Variants in NRXN1 observed in about 807,000 individuals in gnomAD.
The protein encoded by NRXN1 is neurexin-1.
NRXN1 carries 39 observed loss-of-function variants against 150.9 expected under a neutral mutation model. That is an observed-to-expected ratio of 0.26 (90% CI 0.20 to 0.34). NRXN1 has a LOEUF of 0.34. NRXN1 is among the 10% of genes least tolerant of loss of function. NRXN1 has a pLI of 1.00. For synonymous variants in NRXN1, 924 were observed against 757.0 expected, an observed-to-expected ratio of 1.22 and a Z score of -3.62; for missense variants, 1,815 against 1,949.9, an observed-to-expected ratio of 0.93 and a Z score of 1.30.
At chr2:50,480,089 C>A (rs1428688346) in intron 15 of NRXN1, among the ~76,000 whole-genome samples, 1 of 152,140 alleles carries the variant, frequency 6.6e-6, no homozygotes, top group Non-Finnish European at 1.5e-5. Flanking sequence ...CTTTCTTAAA[C>A]ACAAAGGTGA....
chr2:49,997,979 T>G (rs1258739760), intron 21 of NRXN1, among the ~76,000 whole-genome samples: 6 of 152,160 alleles, frequency 3.9e-5, no homozygotes, highest in African/African-American at 1.4e-4. Context: ...GGGATTTTTA[T>G]AAAATGCTGC....
chr2:50,494,176 G>A (rs963885287), intron 15 of NRXN1, among the ~76,000 whole-genome samples: 6 of 152,136 alleles, frequency 3.9e-5, no homozygotes, highest in African/African-American at 1.2e-4. Flanking sequence ...GGCTTCTCTG[G>A]ACCCTCAATG....
At chr2:50,243,661 T>C (rs1055313476) in intron 17 of NRXN1, among the ~76,000 whole-genome samples, 1 of 151,818 alleles carries the variant, frequency 6.6e-6, no homozygotes, top group African/African-American at 2.4e-5. Context: ...AATCAGACAC[T>C]GTCATACCTC....
intron 17 of NRXN1, among the ~76,000 whole-genome samples, chr2:50,269,010 G>A (rs1280831302): frequency 6.6e-6 from 1 of 152,170 alleles, no homozygotes; most frequent in Non-Finnish European, 1.5e-5. Context: ...TATCAGATAA[G>A]AGTCGCTTAA....
chr2:50,953,006 T>A (rs1473276040), intron 2 of NRXN1, among the ~76,000 whole-genome samples: 2 of 152,046 alleles, frequency 1.3e-5, no homozygotes, highest in Non-Finnish European at 2.9e-5. Context: ...TCAATATATA[T>A]GGAGGAGAAA....
intron 21 of NRXN1, among the ~76,000 whole-genome samples, chr2:49,988,550 T>C (rs1302185645): frequency 6.6e-6 from 1 of 151,584 alleles, no homozygotes; most frequent in African/African-American, 2.4e-5. Context: ...ACTTAGTGAC[T>C]TAGTAACAGA....
intron 18 of NRXN1, among the ~76,000 whole-genome samples, chr2:50,228,027 T>G (rs1050448832): frequency 6.6e-6 from 1 of 152,032 alleles, no homozygotes; most frequent in African/African-American, 2.4e-5. Flanking sequence ...AAATTTAGAT[T>G]CTGAAATGAG....
intron 5 of NRXN1, among the ~76,000 whole-genome samples, chr2:50,828,423 C>T (rs1320249713): frequency 6.6e-6 from 1 of 151,742 alleles, no homozygotes; most frequent in Non-Finnish European, 1.5e-5. Context: ...GGGCTCCTCA[C>T]TTCTCAGACG....
chr2:50,727,943 T>C (rs1229717338), intron 5 of NRXN1, among the ~76,000 whole-genome samples: 1 of 152,158 alleles, frequency 6.6e-6, no homozygotes, highest in Non-Finnish European at 1.5e-5. Flanking sequence ...CTTTACAAAT[T>C]AGAGAAAGGT....
At chr2:50,663,197 C>T (rs548739445) in intron 5 of NRXN1, among the ~76,000 whole-genome samples, 169 of 152,132 alleles carry the variant, frequency 1.1e-3, no homozygotes, top group African/African-American at 3.9e-3. Context: ...AAACACCATC[C>T]ACATACTATA....
chr2:50,128,753 G>C (rs1704991854), intron 18 of NRXN1, among the ~76,000 whole-genome samples: 1 of 151,970 alleles, frequency 6.6e-6, no homozygotes, highest in Admixed American at 6.6e-5. Context: ...GGAGCTGAGG[G>C]GGGTGGATCG....
At chr2:50,490,072 T>C (rs1015090155) in intron 15 of NRXN1, among the ~76,000 whole-genome samples, 2 of 152,220 alleles carry the variant, frequency 1.3e-5, no homozygotes, top group African/African-American at 4.8e-5. Flanking sequence ...TTCAAGTAAC[T>C]GCTCTAAAAT....
At chr2:50,715,497 A>C in intron 5 of NRXN1, among the ~76,000 whole-genome samples, 1 of 152,278 alleles carries the variant, frequency 6.6e-6, no homozygotes, top group Non-Finnish European at 1.5e-5. Context: ...TATTGTTATT[A>C]TTTCTATATG....
intron 15 of NRXN1, among the ~76,000 whole-genome samples, chr2:50,494,302 C>T (rs765037628): frequency 3.3e-5 from 5 of 152,104 alleles, no homozygotes; most frequent in African/African-American, 1.2e-4. Flanking sequence ...TACTTACTGA[C>T]GTCTCACCTA....
intron 5 of NRXN1, among the ~76,000 whole-genome samples, chr2:50,850,388 T>G (rs1194154814): frequency 6.6e-6 from 1 of 152,222 alleles, no homozygotes; most frequent in Non-Finnish European, 1.5e-5. Flanking sequence ...CAAAATATTT[T>G]TCTTCTCTGG....
At chr2:50,799,102 T>C (rs1363342835) in intron 5 of NRXN1, among the ~76,000 whole-genome samples, 1 of 152,208 alleles carries the variant, frequency 6.6e-6, no homozygotes, top group Non-Finnish European at 1.5e-5. Flanking sequence ...TATCTCAGTA[T>C]CCTCTTTCTT....
intron 19 of NRXN1, among the ~76,000 whole-genome samples, chr2:50,064,739 G>A (rs950894729): frequency 6.6e-6 from 1 of 152,028 alleles, no homozygotes; most frequent in Non-Finnish European, 1.5e-5. Flanking sequence ...TACTTCCAAA[G>A]TTCATCAATA....
At chr2:50,203,865 T>G (rs2062368504) in intron 18 of NRXN1, among the ~76,000 whole-genome samples, 1 of 152,166 alleles carries the variant, frequency 6.6e-6, no homozygotes. Flanking sequence ...TAGGCTTTCT[T>G]AATCTTAAGC....
intron 5 of NRXN1, among the ~76,000 whole-genome samples, chr2:50,629,685 T>A (rs1365129124): frequency 7.2e-5 from 11 of 151,828 alleles, no homozygotes; most frequent in African/African-American, 2.6e-4. Flanking sequence ...ATTTTCTTCC[T>A]GATTAATAAG....
Sources: gnomAD v4.1 joint callset for allele counts (sites outside exome capture counted in the v4.1 genomes callset) on GRCh38, gnomAD v4.1.1 for gene constraint, MANE v1.5 for transcripts, NCBI Gene and HGNC (gene_info 2026-07-23, HGNC 2026-07-21) for gene names.